GIPC2: variants seen among roughly 807,000 people sequenced by gnomAD.
The protein encoded by GIPC2 is PDZ domain-containing protein GIPC2.
In GIPC2, 30 loss-of-function variants were observed where a neutral mutation model predicts 30.6. The ratio of observed to expected loss-of-function variants is 0.98; its 90% CI spans 0.73 to 1.33. GIPC2 has a LOEUF of 1.33. GIPC2 is among the 40% of genes most tolerant of loss of function. The probability of loss-of-function intolerance (pLI) is 0.00; values close to 1 mark genes in which losing one functional copy is unlikely to be tolerated. For synonymous variants in GIPC2, 167 were observed against 150.0 expected, an observed-to-expected ratio of 1.11 and a Z score of -0.83; for missense variants, 414 against 390.3, an observed-to-expected ratio of 1.06 and a Z score of -0.51.
At chr1:78,095,156 G>T (rs1407136049) in intron 3 of GIPC2, 24 bp downstream of exon 3, 4 of 1,559,248 alleles carry the variant, frequency 2.6e-6, no homozygotes, top group East Asian at 4.5e-5. Context: ...TGGTGGGCGG[G>T]TGTGTGAAAT....
intron 3 of GIPC2, among the ~76,000 whole-genome samples, chr1:78,102,336 C>G (rs1279117738): frequency 6.6e-6 from 1 of 152,180 alleles, no homozygotes; most frequent in Non-Finnish European, 1.5e-5. Context: ...AACTGATGTA[C>G]TCACTTCAAA....
intron 1 of GIPC2, among the ~76,000 whole-genome samples, chr1:78,050,615 T>G (rs1011441824): frequency 2.0e-5 from 3 of 152,118 alleles, no homozygotes; most frequent in Non-Finnish European, 4.4e-5. Context: ...TTGAGAAAGT[T>G]TAATACATAC....
rs1361174687 is a variant in GIPC2 at position 78,129,773 on chromosome 1, A to G, written c.796+3811A>G. ...CTAACTCAGTGGAAAGTTGTGTCAT[A>G]CAAGTTTCTTCTTGAATGTTTAAAG... is the stretch of plus-strand genomic sequence containing the variant. On this transcript the variant is annotated intron_variant, in intron 5 of 5. Transcript: ENST00000370759. Among the ~76,000 whole-genome samples, 5 of 152,318 alleles carry G rather than the reference A, an allele frequency of 3.3e-5. No individual in the cohort carries two copies. The South Asian group carries it at 8.3e-4, about 25-fold the overall frequency.
chr1:78,106,830 A>T (rs543366983), intron 3 of GIPC2, among the ~76,000 whole-genome samples: 156 of 150,850 alleles, frequency 1.0e-3, no homozygotes, highest in African/African-American at 3.4e-3. Flanking sequence ...ACAGGCATGT[A>T]CCACCATGAC....
At chr1:78,134,784 G>A (rs1315805020) in intron 5 of GIPC2, among the ~76,000 whole-genome samples, 7 of 152,106 alleles carry the variant, frequency 4.6e-5, no homozygotes, top group African/African-American at 7.2e-5. Context: ...GGGCTTTGGC[G>A]TTTCCCTTTC....
At chr1:78,105,288 AT>A (rs1288336378) in intron 3 of GIPC2, among the ~76,000 whole-genome samples, 4,812 of 140,368 alleles carry the variant, frequency 0.034, 127 homozygotes, top group African/African-American at 0.096. Context: ...TGTAACTGTA[AT>A]TTTTTTTTTT....
At position 78,125,914 on chromosome 1, in the gene GIPC2, A is replaced by G. The variant is rs949945545; in HGVS notation, c.748A>G (p.Ile250Val). ...SETKAKAIEKIDDVLELYMGI... is the reference protein window; with the variant it reads ...SETKAKAIEKVDDVLELYMGI... ...AACCAAAGCAAAGGCAATTGAAAAG[A>G]TTGATGATGTTCTTGAGTTGTACAT... is the stretch of plus-strand genomic sequence containing the variant. The change falls in exon 5 of 6, where the codon ATT (isoleucine) becomes GTT (valine). Residue 250 changes from isoleucine (I) to valine (V), a missense_variant. Physicochemically the swap from Ile to Val is conservative, Grantham distance 29 (BLOSUM62 3). Transcript: ENST00000370759. 2.5e-6 allele frequency: 4 copies of G among 1,591,316 alleles called. No individual in the cohort carries two copies. The African/African-American group carries it at 5.4e-5, about 21-fold the overall frequency.
chr1:78,080,380 A>G (rs1000337066), intron 1 of GIPC2, among the ~76,000 whole-genome samples: 4 of 152,168 alleles, frequency 2.6e-5, no homozygotes, highest in Admixed American at 1.3e-4. Flanking sequence ...CTCATTTGTA[A>G]TATGGTGATA....
At chr1:78,078,609 A>G (rs1280686293) in intron 1 of GIPC2, among the ~76,000 whole-genome samples, 2 of 152,178 alleles carry the variant, frequency 1.3e-5, no homozygotes, top group East Asian at 3.8e-4. Context: ...CAGGAAATCT[A>G]ATGTTTGCTT....
intron 1 of GIPC2, among the ~76,000 whole-genome samples, chr1:78,076,653 C>T (rs1557533822): frequency 6.6e-6 from 1 of 152,220 alleles, no homozygotes; most frequent in East Asian, 1.9e-4. Context: ...TGCTGTGTGG[C>T]CTGGTTCCTA....
chr1:78,095,016 C>T lies in GIPC2; in HGVS notation c.491C>T (p.Ser164Phe). 1 of 1,605,156 alleles carries T rather than the reference C, an allele frequency of 6.2e-7. No homozygotes were observed. The highest frequency in any genetic ancestry group is 8.5e-7 in the Non-Finnish European group (1 of 1,171,984). ...ATCTGTGTTGGGGATCATATTGAAT[C>T]CATAAATGGAGAAAATATTGTTGGG... is the stretch of plus-strand genomic sequence containing the variant. ...KTICVGDHIE[S>F]INGENIVGWR... Residue 164 changes from serine (S) to phenylalanine (F), a missense_variant, in exon 3 of 6, where the codon TCC (serine) becomes TTC (phenylalanine). Coordinates refer to ENST00000370759, the MANE Select transcript of GIPC2 (RefSeq NM_017655.6).
At chr1:78,094,866 C>T in intron 2 of GIPC2, 86 bp from the exon 3 acceptor site, 2 of 951,404 alleles carry the variant, frequency 2.1e-6, no homozygotes, top group Non-Finnish European at 3.2e-6. Flanking sequence ...CAGGCCCAAA[C>T]CTGCTTAGCT....
intron 5 of GIPC2, among the ~76,000 whole-genome samples, chr1:78,134,344 ATGTGTGTG>A (rs3057093): frequency 1.3e-5 from 2 of 148,678 alleles, no homozygotes; most frequent in South Asian, 2.1e-4. Flanking sequence ...GTGTGTATGT[ATGTGTGTG>A]TGTGTGTGTG....
chr1:78,045,774 T>C (rs1661054787), upstream of GIPC2: 21 of 1,117,124 alleles, frequency 1.9e-5, no homozygotes, highest in South Asian at 7.8e-4. Flanking sequence ...AGGCGTATTG[T>C]TCTGTAGCGT....
upstream of GIPC2, among the ~76,000 whole-genome samples, chr1:78,045,316 A>G (rs1661047929): frequency 6.6e-6 from 1 of 152,194 alleles, no homozygotes. Flanking sequence ...TGGACTTGAA[A>G]ACAATGCAAT....
chr1:78,075,527 G>T (rs1661703148), intron 1 of GIPC2, among the ~76,000 whole-genome samples: 1 of 152,140 alleles, frequency 6.6e-6, no homozygotes, highest in Non-Finnish European at 1.5e-5. Flanking sequence ...CAAGGACTTA[G>T]GTTTATTTCT....
chr1:78,118,599 T>G (rs1052027683), intron 3 of GIPC2, among the ~76,000 whole-genome samples: 12 of 152,254 alleles, frequency 7.9e-5, no homozygotes, highest in African/African-American at 2.9e-4. Flanking sequence ...GAACTCTTGC[T>G]CCCTGCTCTT....
chr1:78,069,475 CTTTTT>C (rs1167457025), intron 1 of GIPC2, among the ~76,000 whole-genome samples: 1 of 127,290 alleles, frequency 7.9e-6, no homozygotes. Context: ...CCCTGTAGTA[CTTTTT>C]TTTTTTTTTT....
At chr1:78,104,928 G>C (rs1409665693) in intron 3 of GIPC2, among the ~76,000 whole-genome samples, 1 of 152,166 alleles carries the variant, frequency 6.6e-6, no homozygotes, top group Non-Finnish European at 1.5e-5. Context: ...TTATTATGTA[G>C]TAGAGTTTTT....
Sources: gnomAD v4.1 joint callset for allele counts (sites outside exome capture counted in the v4.1 genomes callset) on GRCh38, gnomAD v4.1.1 for gene constraint, MANE v1.5 for transcripts, NCBI Gene and HGNC (gene_info 2026-07-23, HGNC 2026-07-21) for gene names.